Variants in CCDC187 observed in about 807,000 individuals in gnomAD.
CCDC187 encodes coiled-coil domain-containing protein 187.
CCDC187 carries 32 observed loss-of-function variants against 38.0 expected under a neutral mutation model. The ratio of observed to expected loss-of-function variants is 0.84; its 90% confidence interval spans 0.64 to 1.13. CCDC187 has a LOEUF of 1.13. Ranked by LOEUF, CCDC187 falls within the 50% of genes most tolerant of loss-of-function variation. The probability of loss-of-function intolerance (pLI) is 0.00; values close to 1 mark genes in which losing one functional copy is unlikely to be tolerated. For missense variants in CCDC187, 707 were observed against 786.8 expected (o/e 0.90, Z 1.21); for synonymous variants, 333 against 347.9 (o/e 0.96, Z 0.48).
At chr9:136,279,078 CTGGG>C (rs1403852269) in intron 10 of CCDC187, among the ~76,000 whole-genome samples, 19,846 of 151,444 alleles carry the variant, frequency 0.13, 1,467 homozygotes, top group Admixed American at 0.2. Flanking sequence ...CAACTCTGGT[CTGGG>C]TGTTTAAGTC....
intron 18 of CCDC187, among the ~76,000 whole-genome samples, chr9:136,263,157 T>A (rs1241196207): frequency 7.1e-5 from 10 of 140,156 alleles, no homozygotes; most frequent in African/African-American, 2.7e-4. Flanking sequence ...GGAAGCCTCC[T>A]CAGCCCCCCA....
At chr9:136,305,153 C>T (rs1831780612), upstream of CCDC187, among the ~76,000 whole-genome samples, 1 of 152,206 alleles carries the variant, frequency 6.6e-6, no homozygotes, top group South Asian at 2.1e-4. Context: ...ACAGGCAGGC[C>T]CTGCGTATAA....
In CCDC187 at chr9:136,254,177, G is replaced by C. The variant is rs782462892; in HGVS notation, c.5651C>G (p.Ser1884Trp). The C allele has an allele frequency of 1.0e-6, 1 of 985,364 alleles. No individual in the cohort carries two copies. The highest frequency in any genetic ancestry group is 1.2e-6 in the Non-Finnish European group (1 of 829,978). 61.0% of individuals were successfully genotyped at this position (985,364 alleles called of 1,614,324 possible). ...FPLQISSAGD[S>W]DSLLVFPSWT... ...CGAAGGAAAGACCAGCAGTGAGTCC[G>C]AGTCACCGGCAGAAGAGATTTGCAG... Residue 1884 changes from serine (S) to tryptophan (W), a missense_variant, in exon 26 of 26, where the codon TCG becomes TGG. By Grantham distance (177) the Ser-to-Trp change is radical. Coordinates refer to ENST00000638797, the MANE Select transcript of CCDC187 (RefSeq NM_001378188.1).
intron 9 of CCDC187, among the ~76,000 whole-genome samples, chr9:136,285,015 G>A (rs1831140932): frequency 1.3e-5 from 2 of 152,074 alleles, no homozygotes; most frequent in Admixed American, 6.5e-5. Flanking sequence ...CTGGGGGCGC[G>A]GGACAGGCAC....
At chr9:136,294,120 TCA>T (rs1831472366) in intron 4 of CCDC187, among the ~76,000 whole-genome samples, 12 of 52,184 alleles carry the variant, frequency 2.3e-4, no homozygotes, top group East Asian at 1.4e-3. Flanking sequence ...TCACACACTC[TCA>T]CACTCATACA....
At chr9:136,270,401 G>C (rs1554762239) in intron 14 of CCDC187, among the ~76,000 whole-genome samples, 2 of 75,126 alleles carry the variant, frequency 2.7e-5, no homozygotes, top group South Asian at 3.7e-4. Context: ...TCATAGGACA[G>C]GGGGCCCTTC....
At chr9:136,256,384 C>A in intron 23 of CCDC187, 61 bp from the exon 24 acceptor site, 1 of 836,958 alleles carries the variant, frequency 1.2e-6, no homozygotes, top group Non-Finnish European at 1.4e-6. Context: ...GTCCACCTCC[C>A]GTAGCTGGAT....
Position 136,251,820 on chromosome 9 carries a change from GCGCCCACCCTGTCCA to G in CCDC187, c.*1759_*1773del, listed in dbSNP as rs1830540803. On this transcript the variant is annotated 3_prime_UTR_variant, in exon 26 of 26. Transcript: ENST00000638797. ...TTCAGGTGACCGTCCCGCGGAGCCG[GCGCCCACCCTGTCCA>G]CCGGGGGAAGAGCCGGCCACCCACC... is the stretch of plus-strand genomic sequence containing the variant. 1 of 152,468 alleles carries G rather than the reference GCGCCCACCCTGTCCA, an allele frequency of 6.6e-6. No homozygotes were observed. Among genetic ancestry groups the G allele is most frequent in the Non-Finnish European group, 1.5e-5 (1 of 68,508 alleles). The allele number at this position is 152,468 out of a possible 1,614,324, so 9.4% of individuals were successfully genotyped here. A position where few individuals can be genotyped will look rare whatever the true frequency, so the allele number is the denominator to read the frequency against.
Position 136,285,552 on chromosome 9 carries a change from CCT to C in CCDC187, c.2886_2887del (p.Gly963ArgfsTer190). 1 of 402,740 alleles carries C rather than the reference CCT, an allele frequency of 2.5e-6. No homozygotes were observed. Among genetic ancestry groups the C allele is most frequent in the Non-Finnish European group, 4.4e-6 (1 of 228,116 alleles). The allele number at this position is 402,740 out of a possible 1,614,324, so 24.9% of individuals were successfully genotyped here. A position where few individuals can be genotyped will look rare whatever the true frequency, so the allele number is the denominator to read the frequency against. ...GCTGAGGGCCTGGAAGGGGGCCACGCCTCTCTGCAGCCTTTTGTCTGGTTTCA... is the reference window on the plus strand; with the variant it reads ...GCTGAGGGCCTGGAAGGGGGCCACGCCTCTGCAGCCTTTTGTCTGGTTTCA... On this transcript the variant is annotated frameshift_variant, in exon 9 of 26. Transcript: ENST00000638797. LOFTEE classifies it high-confidence loss of function.
Position 136,285,542 on chromosome 9 carries a change from G to C in CCDC187, c.2898C>G (p.Pro966=). 2.5e-6 allele frequency: 1 copy of C among 396,172 alleles called. No individual in the cohort carries two copies. The highest frequency in any genetic ancestry group is 4.5e-6 in the Non-Finnish European group (1 of 224,528). The allele number at this position is 396,172 out of a possible 1,614,324, so 24.5% of individuals were successfully genotyped here. The change falls in exon 9 of 26, where the codon CCC becomes CCG. Residue 966 remains proline, a synonymous_variant. Transcript: ENST00000638797. ...CCGCAGAGGGGCTGAGGGCCTGGAA[G>C]GGGGCCACGCCTCTCTGCAGCCTTT... ...PDKRLQRGVA[P]FQALSPSAGS...
intron 14 of CCDC187, among the ~76,000 whole-genome samples, chr9:136,273,733 C>A (rs1158344956): frequency 2.0e-5 from 3 of 152,262 alleles, no homozygotes; most frequent in Non-Finnish European, 4.4e-5. Flanking sequence ...CACCCACTGA[C>A]GTAGACTGTC....
In CCDC187 at chr9:136,254,890, G is replaced by A; in HGVS notation, c.4938C>T (p.Ser1646=). ...AATLIQLSGS[S]SSLPSLEAED... Reference sequence around the variant, plus strand: ...CAGCTTCCAAGCTGGGAAGAGAGCTGGAGCTCCCAGAAAGCTGGATCAGGG... The same window carrying A: ...CAGCTTCCAAGCTGGGAAGAGAGCTAGAGCTCCCAGAAAGCTGGATCAGGG... Residue 1646 remains serine, a synonymous_variant, in exon 26 of 26, where the codon TCC becomes TCT. Coordinates refer to ENST00000638797, the MANE Select transcript of CCDC187 (RefSeq NM_001378188.1). 1 of 985,516 alleles carries A rather than the reference G, an allele frequency of 1.0e-6. No homozygotes were observed. The highest frequency in any genetic ancestry group is 1.2e-6 in the Non-Finnish European group (1 of 829,978). 61.0% of individuals were successfully genotyped at this position (985,516 alleles called of 1,614,324 possible).
chr9:136,263,881 G>A (rs1348007237), intron 17 of CCDC187, 83 bp from the exon 18 acceptor site: 3 of 930,442 alleles, frequency 3.2e-6, no homozygotes, highest in Non-Finnish European at 3.8e-6. Context: ...GGGTGTCTGG[G>A]GGGATGCCCT....
chr9:136,256,674 C>T (rs1830616532), intron 23 of CCDC187, 31 bp downstream of exon 23: 1 of 152,276 alleles, frequency 6.6e-6, no homozygotes, highest in African/African-American at 2.4e-5. Flanking sequence ...CCACACAGCC[C>T]ACAGGAAGGG....
At chr9:136,267,543 G>C (rs560495956) in intron 15 of CCDC187, 32 bp from the exon 16 acceptor site, 2 of 985,694 alleles carry the variant, frequency 2.0e-6, no homozygotes, top group African/African-American at 3.5e-5. Context: ...GGCCCCTAAA[G>C]CTCTGGGTTC....
At chr9:136,294,443 G>A (rs1831485735) in intron 4 of CCDC187, among the ~76,000 whole-genome samples, 1 of 152,146 alleles carries the variant, frequency 6.6e-6, no homozygotes, top group African/African-American at 2.4e-5. Context: ...CCAGCCCAGG[G>A]CAGCTCCACC....
chr9:136,282,793 G>T (rs981841210), intron 9 of CCDC187, among the ~76,000 whole-genome samples: 1 of 152,246 alleles, frequency 6.6e-6, no homozygotes, highest in East Asian at 1.9e-4. Flanking sequence ...GTGCTGCAGG[G>T]GAGCTGGACG....
chr9:136,272,691 A>G (rs1554762594), intron 14 of CCDC187, among the ~76,000 whole-genome samples: 1 of 151,922 alleles, frequency 6.6e-6, no homozygotes. Context: ...CAACAAGAGC[A>G]AACTCTGTCT....
At chr9:136,259,838 CAG>C (rs1213397933) in intron 20 of CCDC187, among the ~76,000 whole-genome samples, 1 of 152,208 alleles carries the variant, frequency 6.6e-6, no homozygotes, top group Admixed American at 6.5e-5. Context: ...CCTTCCCAGA[CAG>C]AACCTGAGTG....
Sources: allele counts gnomAD v4.1 joint callset (sites outside exome capture counted in the v4.1 genomes callset), GRCh38; gene constraint gnomAD v4.1.1; transcripts MANE v1.5; gene names NCBI Gene and HGNC (gene_info 2026-07-23, HGNC 2026-07-21).